Variants in WDR44 observed in about 807,000 individuals in gnomAD.
The protein encoded by WDR44 is WD repeat-containing protein 44.
In WDR44, 9 loss-of-function variants were observed where a neutral mutation model predicts 65.7. The observed-to-expected ratio is 0.14, with a 90% CI of 0.08 to 0.24. The LOEUF is 0.24. Ranked by LOEUF, WDR44 falls within the 10% of genes least tolerant of loss-of-function variation. The probability of loss-of-function intolerance (pLI) is 1.00; values close to 1 mark genes in which losing one functional copy is unlikely to be tolerated. For missense variants in WDR44, 425 were observed against 670.9 expected (o/e 0.63, Z 4.05); for synonymous variants, 220 against 235.2 (o/e 0.94, Z 0.59).
chrX:118,350,038 AAATG>A (rs779748724), intron 1 of WDR44, among the ~76,000 whole-genome samples: 10 of 110,658 alleles, frequency 9.0e-5, no homozygotes, highest in Non-Finnish European at 1.7e-4. Context: ...TTCTGGAGTA[AAATG>A]CTTTAGGACC....
chrX:118,438,387 T>C (rs2057271929), intron 14 of WDR44, among the ~76,000 whole-genome samples: 1 of 93,699 alleles, frequency 1.1e-5, no homozygotes, highest in Non-Finnish European at 1.9e-5. Flanking sequence ...GAAAGAGATA[T>C]TTGGTTGTGT....
chrX:118,393,180 T>C lies in WDR44; in HGVS notation c.735T>C (p.Pro245=). Residue 245 remains proline, a synonymous_variant, in exon 4 of 20, where the codon CCT becomes CCC. Transcript: ENST00000254029. ...CTCCTCCAACTAATTTCCCACCTCC[T>C]AGACCCCCACCTCCTTCTCGACCTG... ...RPPPPTNFPP[P]RPPPPSRPAP... 1.7e-6 allele frequency: 2 copies of C among 1,211,498 alleles called. No homozygotes were observed. The highest frequency in any genetic ancestry group is 2.2e-6 in the Non-Finnish European group (2 of 895,389).
intron 12 of WDR44, among the ~76,000 whole-genome samples, chrX:118,413,155 C>T (rs760298739): frequency 8.9e-6 from 1 of 112,090 alleles, no homozygotes; most frequent in Non-Finnish European, 1.9e-5. Context: ...TATAAACGTG[C>T]GTGTGCAAGT....
intron 2 of WDR44, chrX:118,386,443 GTAGA>G (rs1184902110): frequency 5.8e-6 from 2 of 345,451 alleles, no homozygotes; most frequent in African/African-American, 5.6e-5. Context: ...AAATGTATAC[GTAGA>G]TATATATGTA....
In WDR44 at chrX:118,346,375, T is replaced by A. The variant is rs2056349259; in HGVS notation, c.-129T>A. On this transcript the variant is annotated 5_prime_UTR_variant, in exon 1 of 20. Transcript: ENST00000254029. ...TTAACAGTCTCCTCGCTACAGATCGTCTGCTCCCTCAGCCTCGCCCGAGAC... is the reference window on the plus strand; with the variant it reads ...TTAACAGTCTCCTCGCTACAGATCGACTGCTCCCTCAGCCTCGCCCGAGAC... 1 of 558,766 alleles carries A rather than the reference T, an allele frequency of 1.8e-6. No homozygotes were observed. The highest frequency in any genetic ancestry group is 2.3e-5 in the African/African-American group (1 of 43,719). 46.0% of individuals were successfully genotyped at this position (558,766 alleles called of 1,213,427 possible). A position where few individuals can be genotyped will look rare whatever the true frequency, so the allele number is the denominator to read the frequency against.
intron 10 of WDR44, 26 bp downstream of exon 10, chrX:118,407,052 A>G (rs773818956): frequency 9.3e-6 from 11 of 1,183,236 alleles, no homozygotes; most frequent in Non-Finnish European, 1.3e-5. Flanking sequence ...ATTTTTTAGG[A>G]TTGATACTGT....
At chrX:118,416,799 A>G (rs1345663541) in intron 12 of WDR44, among the ~76,000 whole-genome samples, 1 of 111,174 alleles carries the variant, frequency 9.0e-6, no homozygotes, top group Non-Finnish European at 1.9e-5. Flanking sequence ...GAAGTCCCCA[A>G]CTATTATCGT....
intron 12 of WDR44, among the ~76,000 whole-genome samples, chrX:118,414,774 C>T (rs1026629929): frequency 9.0e-6 from 1 of 111,634 alleles, no homozygotes; most frequent in Non-Finnish European, 1.9e-5. Flanking sequence ...TCTGAGCTTT[C>T]TGGAGGAGTC....
intron 1 of WDR44, among the ~76,000 whole-genome samples, chrX:118,352,137 GTTTGTTTTTTGTTT>G (rs1194768974): frequency 1.2e-5 from 1 of 82,646 alleles, no homozygotes; most frequent in Non-Finnish European, 2.1e-5. Context: ...AATTTGTGTT[GTTTGTTTTTTGTTT>G]TTTGTTTTTT....
chrX:118,407,777 G>A, intron 10 of WDR44, among the ~76,000 whole-genome samples: 1 of 112,268 alleles, frequency 8.9e-6, no homozygotes. Flanking sequence ...CAATGTAGAT[G>A]CAATTGCACA....
At position 118,348,135 on chromosome X, in the gene WDR44, A is replaced by G. The variant is rs756307757; in HGVS notation, c.77+1555A>G. Among the ~76,000 whole-genome samples, 341 of 112,017 alleles carry G rather than the reference A, an allele frequency of 3.0e-3. 1 individual carries two copies. Among genetic ancestry groups the G allele is most frequent in the African/African-American group, 0.01 (320 of 30,842 alleles). The stretch of plus-strand genomic sequence containing the variant: ...CTGTGGATATTGTTCTTTCCACTGA[A>G]TAAGTTTAATTTCAAAGGACGCAAG... On this transcript the variant is annotated intron_variant, in intron 1 of 19. Coordinates refer to ENST00000254029, the MANE Select transcript of WDR44 (RefSeq NM_019045.5).
chrX:118,417,844 T>A (rs7051428), intron 12 of WDR44, among the ~76,000 whole-genome samples: 14,795 of 111,496 alleles, frequency 0.13, 1,102 homozygotes, highest in African/African-American at 0.28. Flanking sequence ...GTGTTTAACA[T>A]AATCCCAGAC....
intron 1 of WDR44, among the ~76,000 whole-genome samples, chrX:118,372,680 A>T (rs1328061360): frequency 1.8e-5 from 2 of 112,467 alleles, no homozygotes; most frequent in Admixed American, 9.4e-5. Context: ...CCTTCACCAT[A>T]CAATTTCATA....
At chrX:118,357,043 G>A (rs964614992) in intron 1 of WDR44, among the ~76,000 whole-genome samples, 1 of 108,775 alleles carries the variant, frequency 9.2e-6, no homozygotes, top group Non-Finnish European at 1.9e-5. Context: ...ATGTTGGCCG[G>A]GATGGTCTCA....
chrX:118,352,342 ATATATATATATTTTTTTT>A (rs1215971366), intron 1 of WDR44, among the ~76,000 whole-genome samples: 65 of 21,072 alleles, frequency 3.1e-3, no homozygotes, highest in African/African-American at 0.023. Context: ...ATATATATAT[ATATATATATATTTTTTTT>A]TTTTTTTTTT....
intron 12 of WDR44, among the ~76,000 whole-genome samples, chrX:118,427,171 A>G (rs1312022207): frequency 9.1e-6 from 1 of 110,493 alleles, no homozygotes; most frequent in African/African-American, 3.3e-5. Context: ...CTGTGGTACC[A>G]TCATAGCATG....
At chrX:118,353,969 C>G (rs1381160282) in intron 1 of WDR44, among the ~76,000 whole-genome samples, 1 of 111,776 alleles carries the variant, frequency 8.9e-6, no homozygotes, top group African/African-American at 3.3e-5. Context: ...TTTTGTAGCC[C>G]TTGAATAAAC....
At chrX:118,368,960 TCAGA>T (rs1406792843) in intron 1 of WDR44, among the ~76,000 whole-genome samples, 2 of 108,234 alleles carry the variant, frequency 1.8e-5, no homozygotes, top group Non-Finnish European at 3.8e-5. Context: ...ACTCCTGACC[TCAGA>T]CAATCCACCC....
At chrX:118,429,271 A>T (rs1391235982) in intron 12 of WDR44, among the ~76,000 whole-genome samples, 2 of 111,445 alleles carry the variant, frequency 1.8e-5, no homozygotes, top group African/African-American at 3.3e-5. Context: ...AAACTTTTTG[A>T]CCCAGTAATA....
Sources: gnomAD v4.1 joint callset for allele counts (sites outside exome capture counted in the v4.1 genomes callset) on GRCh38, gnomAD v4.1.1 for gene constraint, MANE v1.5 for transcripts, NCBI Gene and HGNC (gene_info 2026-07-23, HGNC 2026-07-21) for gene names.